The following UPF1 variants were observed in gnomAD, a reference collection of about 807,000 sequenced individuals.
UPF1 encodes UPF1 RNA helicase and ATPase.
Under a neutral mutation model 129.2 loss-of-function variants are expected in UPF1, and 9 were observed. The ratio of observed to expected loss-of-function variants is 0.07; its 90% CI spans 0.04 to 0.12. UPF1 has a LOEUF of 0.12. Among genes scored for constraint, UPF1 ranks in the 10% least tolerant of loss-of-function variants. The pLI is 1.00. For missense variants in UPF1, 788 were observed against 1,525.3 expected (o/e 0.52, Z 8.05); for synonymous variants, 649 against 644.9 (o/e 1.01, Z -0.10).
At chr19:18,855,530 G>C (rs2055707934) in intron 11 of UPF1, 2 of 542,932 alleles carry the variant, frequency 3.7e-6, no homozygotes. Flanking sequence ...GTGGCGGGAT[G>C]GTGCAAGTTC....
In UPF1 at chr19:18,861,054, C is replaced by T. The variant is rs148408284; in HGVS notation, c.2457+72C>T. On this transcript the variant is annotated intron_variant, in intron 17 of 23. Coordinates refer to ENST00000262803, the MANE Select transcript of UPF1 (RefSeq NM_002911.4). ...GTATTGACCCTTGACCTTTAAGTTA[C>T]CCCCCAAGAGGGGCCCGTCCTGGCT... 106 of 1,486,922 alleles carry T rather than the reference C, an allele frequency of 7.1e-5. No homozygotes were observed. The African/African-American group carries it at 1.2e-3, about 17-fold the overall frequency. The allele number at this position is 1,486,922 out of a possible 1,614,324, so 92.1% of individuals were successfully genotyped here. A position where few individuals can be genotyped will look rare whatever the true frequency, so the allele number is the denominator to read the frequency against.
At chr19:18,841,135 C>A (rs2055536786) in intron 1 of UPF1, among the ~76,000 whole-genome samples, 1 of 152,266 alleles carries the variant, frequency 6.6e-6, no homozygotes, top group Non-Finnish European at 1.5e-5. Flanking sequence ...CTGCTGCATC[C>A]TCCGTGTAGA....
intron 13 of UPF1, 92 bp downstream of exon 13, chr19:18,856,392 G>A: frequency 7.9e-7 from 1 of 1,261,112 alleles, no homozygotes; most frequent in Non-Finnish European, 1.1e-6. Flanking sequence ...TTGTTGCTTT[G>A]CTTCTGGAAA....
In UPF1 at chr19:18,866,106, G is replaced by A. The variant is rs759094775; in HGVS notation, c.3300G>A (p.Thr1100=). Residue 1100 remains threonine, a synonymous_variant, in exon 23 of 24, where the codon ACG becomes ACA. Transcript: ENST00000262803. The stretch of plus-strand genomic sequence containing the variant: ...ACGTGGCGCTCTCACAGGACTCCAC[G>A]TACCAGGGAGAGCGGGCTTACCAGC... ...QIDVALSQDS[T]YQGERAYQHG... The A allele has an allele frequency of 1.2e-6, 2 of 1,612,564 alleles. No homozygotes were observed. Among genetic ancestry groups the A allele is most frequent in the Non-Finnish European group, 1.7e-6 (2 of 1,179,620 alleles).
At chr19:18,843,634 C>G (rs554689070) in intron 1 of UPF1, among the ~76,000 whole-genome samples, 1 of 150,012 alleles carries the variant, frequency 6.7e-6, no homozygotes, top group African/African-American at 2.5e-5. Flanking sequence ...TTCTCCTGCA[C>G]GGGGATTACA....
At chr19:18,864,111 G>T (rs1384336282) in intron 19 of UPF1, 59 bp from the exon 20 acceptor site, 3 of 1,516,804 alleles carry the variant, frequency 2.0e-6, no homozygotes, top group African/African-American at 1.4e-5. Context: ...CACCGGGCCC[G>T]TGGGAAGTTG....
intron 1 of UPF1, among the ~76,000 whole-genome samples, chr19:18,837,032 G>A (rs2055491106): frequency 6.6e-6 from 1 of 152,008 alleles, no homozygotes; most frequent in African/African-American, 2.4e-5. Flanking sequence ...GATTACAGCC[G>A]TGAGCCACTG....
At chr19:18,866,191 G>A (rs2055841937) in intron 23 of UPF1, 25 bp downstream of exon 23, 1 of 1,553,002 alleles carries the variant, frequency 6.4e-7, no homozygotes, top group Admixed American at 2.0e-5. Flanking sequence ...AGCAGGCCTG[G>A]CCCCACCCCA....
At chr19:18,858,080 A>G (rs2055738099) in intron 15 of UPF1, among the ~76,000 whole-genome samples, 1 of 152,248 alleles carries the variant, frequency 6.6e-6, no homozygotes, top group Admixed American at 6.5e-5. Context: ...AGTGAACAGT[A>G]CATCTTACTA....
Position 18,832,049 on chromosome 19 carries a change from T to C in UPF1, c.-161T>C. ...CGGCAGCGGCGGCGGCTCGGCACTG[T>C]TACCTCTCGGTCCGGCTGGCGCCGG... is the stretch of plus-strand genomic sequence containing the variant. On this transcript the variant is annotated 5_prime_UTR_variant, in exon 1 of 24. Transcript: ENST00000262803. This position sits in a 1 kb window ranked among gnomAD's most constrained non-coding sequence, Gnocchi z 5.6. The C allele has an allele frequency of 1.8e-6, 1 of 571,286 alleles. No homozygotes were observed. The highest frequency in any genetic ancestry group is 2.6e-6 in the Non-Finnish European group (1 of 386,990). 35.4% of individuals were successfully genotyped at this position (571,286 alleles called of 1,614,324 possible). A position where few individuals can be genotyped will look rare whatever the true frequency, so the allele number is the denominator to read the frequency against.
intron 2 of UPF1, among the ~76,000 whole-genome samples, chr19:18,847,122 G>C (rs10419754): frequency 0.012 from 1,903 of 152,352 alleles, 54 homozygotes; most frequent in African/African-American, 0.044. Flanking sequence ...ACTCTTTCCT[G>C]CATCTCAGCT....
In UPF1 at chr19:18,850,448, G is replaced by T. The variant is rs540063521; in HGVS notation, c.629+206G>T. On this transcript the variant is annotated intron_variant, in intron 4 of 23. Coordinates refer to ENST00000262803, the MANE Select transcript of UPF1 (RefSeq NM_002911.4). This position sits in a 1 kb window ranked among gnomAD's most constrained non-coding sequence, Gnocchi z 7.1. ...CAGTGCCGTGTAACTCTTTTGGGGC[G>T]TTCTGGCTAAGTCATAAAAACAATT... is the stretch of plus-strand genomic sequence containing the variant. Among the ~76,000 whole-genome samples the T allele has an allele frequency of 6.6e-6, 1 of 152,254 alleles. No individual in the cohort carries two copies. Among genetic ancestry groups the T allele is most frequent in the African/African-American group, 2.4e-5 (1 of 41,468 alleles).
Position 18,850,956 on chromosome 19 carries a change from G to A in UPF1, c.810+88G>A. ...GTCTTCAGAGACGGCTTGACCCAGTGAGACCGCTGGAGATTCTCTGAAAGG... is the reference window on the plus strand; with the variant it reads ...GTCTTCAGAGACGGCTTGACCCAGTAAGACCGCTGGAGATTCTCTGAAAGG... On this transcript the variant is annotated intron_variant, in intron 5 of 23. Coordinates refer to ENST00000262803, the MANE Select transcript of UPF1 (RefSeq NM_002911.4). This position sits in a 1 kb window ranked among gnomAD's most constrained non-coding sequence, Gnocchi z 7.1. The A allele has an allele frequency of 7.2e-7, 1 of 1,393,162 alleles. No individual in the cohort carries two copies. The highest frequency in any genetic ancestry group is 9.4e-7 in the Non-Finnish European group (1 of 1,060,208). 86.3% of individuals were successfully genotyped at this position (1,393,162 alleles called of 1,614,324 possible). A position where few individuals can be genotyped will look rare whatever the true frequency, so the allele number is the denominator to read the frequency against.
chr19:18,857,249 TC>T, intron 14 of UPF1, 70 bp from the exon 15 acceptor site: 2 of 1,536,226 alleles, frequency 1.3e-6, no homozygotes, highest in East Asian at 2.3e-5. Flanking sequence ...GGCCCCTACT[TC>T]CTTGCTAGTG....
chr19:18,839,300 G>A (rs1243281129), intron 1 of UPF1, among the ~76,000 whole-genome samples: 1 of 152,118 alleles, frequency 6.6e-6, no homozygotes, highest in Non-Finnish European at 1.5e-5. Flanking sequence ...CACCATGTTG[G>A]CCAGGCTGGT....
At position 18,850,018 on chromosome 19, in the gene UPF1, G is replaced by T; in HGVS notation, c.462-57G>T. 6.2e-7 allele frequency: 1 copy of T among 1,607,398 alleles called. No individual in the cohort carries two copies. Among genetic ancestry groups the T allele is most frequent in the Non-Finnish European group, 8.5e-7 (1 of 1,175,318 alleles). ...AACTTTTAACAGGGGCCCGAAAATT[G>T]GAAGTGGTGAAAAGCCAAATTTTGG... On this transcript the variant is annotated intron_variant, in intron 3 of 23. Transcript: ENST00000262803. This position sits in a 1 kb window ranked among gnomAD's most constrained non-coding sequence, Gnocchi z 7.1.
chr19:18,850,353 T>G lies in UPF1; in HGVS notation c.629+111T>G. The G allele has an allele frequency of 7.0e-7, 1 of 1,426,120 alleles. No individual in the cohort carries two copies. The highest frequency in any genetic ancestry group is 9.3e-7 in the Non-Finnish European group (1 of 1,069,550). 88.3% of individuals were successfully genotyped at this position (1,426,120 alleles called of 1,614,324 possible). A position where few individuals can be genotyped will look rare whatever the true frequency, so the allele number is the denominator to read the frequency against. Reference sequence around the variant, plus strand: ...TGGCTCTAACTCCAGGGAGTTGTCCTCCAAAGATGGTTTTTGCTGAAGGGT... The same window carrying G: ...TGGCTCTAACTCCAGGGAGTTGTCCGCCAAAGATGGTTTTTGCTGAAGGGT... On this transcript the variant is annotated intron_variant, in intron 4 of 23. Transcript: ENST00000262803. This position sits in a 1 kb window ranked among gnomAD's most constrained non-coding sequence, Gnocchi z 7.1.
intron 1 of UPF1, among the ~76,000 whole-genome samples, chr19:18,844,299 C>CG (rs771399691): frequency 0.2 from 4,041 of 19,904 alleles, 83 homozygotes; most frequent in East Asian, 0.35. Flanking sequence ...TTTTGGGGGC[C>CG]GGGGGGGGGT....
intron 1 of UPF1, among the ~76,000 whole-genome samples, chr19:18,842,367 G>A (rs1328325027): frequency 6.6e-6 from 1 of 152,160 alleles, no homozygotes; most frequent in Non-Finnish European, 1.5e-5. Context: ...TGTTTTGTGG[G>A]GATGTGGAGA....
Sources: gnomAD v4.1 joint callset for allele counts (sites outside exome capture counted in the v4.1 genomes callset) on GRCh38, gnomAD v4.1.1 for gene constraint, Gnocchi (gnomAD v3.1) non-coding constraint, MANE v1.5 for transcripts, NCBI Gene and HGNC (gene_info 2026-07-23, HGNC 2026-07-21) for gene names.